Variants in MIGA1 observed in about 807,000 individuals in gnomAD.
MIGA1 encodes the protein family with sequence similarity 73, member A.
A neutral mutation model predicts 82.0 loss-of-function variants in MIGA1; 58 were observed. That is an observed-to-expected ratio of 0.71 (90% CI 0.57 to 0.88). The LOEUF (loss-of-function observed/expected upper bound fraction) is 0.88. Ranked by LOEUF, MIGA1 falls within the 40% of genes least tolerant of loss-of-function variation. The pLI, the probability that MIGA1 is intolerant of heterozygous loss-of-function variation, is 0.00. For synonymous variants in MIGA1, 249 were observed against 253.6 expected (o/e 0.98, Z 0.17); for missense variants, 751 against 749.1 (o/e 1.00, Z -0.03).
chr1:77,784,114 A>G (rs1246488126), intron 2 of MIGA1, among the ~76,000 whole-genome samples: 1 of 152,248 alleles, frequency 6.6e-6, no homozygotes, highest in South Asian at 2.1e-4. Flanking sequence ...TAATGCTGCT[A>G]TAAACATGGA....
intron 13 of MIGA1, 54 bp from the exon 14 acceptor site, chr1:77,866,284 T>C (rs1685663298): frequency 1.8e-5 from 28 of 1,518,060 alleles, no homozygotes; most frequent in Non-Finnish European, 2.1e-5. Context: ...CTAATAAAAA[T>C]GGAAATGTTT....
rs201214368 is a variant in MIGA1, at chr1:77,843,322, T to C, written c.911T>C (p.Ile304Thr). 75 of 1,612,556 alleles carry C rather than the reference T, an allele frequency of 4.7e-5. No homozygotes were observed. Among genetic ancestry groups the C allele is most frequent in the Middle Eastern group, 1.6e-4 (1 of 6,078 alleles). ...TACTTTTAAGATAAAGATACAGATA[T>C]CACCATGAAGGGTAATGTGGAAGAC... The change falls in exon 8 of 16, where the codon ATC (isoleucine) becomes ACC (threonine). Residue 304 changes from isoleucine (I) to threonine (T), a missense_variant. Ile to Thr is a moderately conservative substitution (Grantham distance 89). This residue lies in a region of MIGA1 where 482 missense variants were observed against 439.4 expected (regional missense o/e 1.10). Transcript: ENST00000370791.
chr1:77,822,652 G>C (rs548722859), intron 7 of MIGA1, among the ~76,000 whole-genome samples: 10 of 152,132 alleles, frequency 6.6e-5, no homozygotes, highest in Non-Finnish European at 1.3e-4. Flanking sequence ...GTATTGGAAG[G>C]CTAATGTGTC....
At chr1:77,833,694 C>T (rs1684324109) in intron 7 of MIGA1, among the ~76,000 whole-genome samples, 2 of 152,230 alleles carry the variant, frequency 1.3e-5, no homozygotes, top group South Asian at 2.1e-4. Context: ...CGACTTATTC[C>T]TGTGGCAGGG....
intron 8 of MIGA1, among the ~76,000 whole-genome samples, chr1:77,850,298 A>T (rs997242292): frequency 6.6e-6 from 1 of 152,292 alleles, no homozygotes; most frequent in East Asian, 1.9e-4. Flanking sequence ...TTTCATTTCC[A>T]CAATGTGCTG....
chr1:77,818,558 T>A (rs947372964), intron 7 of MIGA1, among the ~76,000 whole-genome samples: 1 of 152,172 alleles, frequency 6.6e-6, no homozygotes, highest in Non-Finnish European at 1.5e-5. Flanking sequence ...TAGCTACTAT[T>A]AACTAGCTTC....
rs138544962 is a variant in MIGA1, at chr1:77,858,804, G to A, written c.997-134G>A. The stretch of plus-strand genomic sequence containing the variant: ...TGACTAATTTTTTTAGATTTTTGTA[G>A]AGACAGGGTCTTACCATGTTACCCA... On this transcript the variant is annotated intron_variant, in intron 8 of 15. Transcript: ENST00000370791. 1,098 of 558,574 alleles carry A rather than the reference G, an allele frequency of 2.0e-3. 15 individuals are homozygous for A. In the East Asian group the frequency reaches 0.031, roughly 16 times the overall value. The allele number at this position is 558,574 out of a possible 1,614,324, so 34.6% of individuals were successfully genotyped here.
At chr1:77,804,038 T>G (rs1042212934) in intron 4 of MIGA1, among the ~76,000 whole-genome samples, 19 of 152,114 alleles carry the variant, frequency 1.2e-4, no homozygotes, top group Non-Finnish European at 2.4e-4. Context: ...CCATAAATAT[T>G]TACACCTACT....
chr1:77,795,752 C>T (rs565201631), intron 2 of MIGA1, among the ~76,000 whole-genome samples: 3 of 151,460 alleles, frequency 2.0e-5, no homozygotes, highest in Non-Finnish European at 4.4e-5. Flanking sequence ...GCCTCAGCCT[C>T]CTGAGTAGCT....
At chr1:77,847,788 G>C (rs1268832233) in intron 8 of MIGA1, 1 of 1,597,992 alleles carries the variant, frequency 6.3e-7, no homozygotes, top group African/African-American at 1.3e-5. Context: ...GGGCTACTCT[G>C]ATGAAGTAAG....
chr1:77,821,761 TA>T (rs1430486746), intron 7 of MIGA1, among the ~76,000 whole-genome samples: 3 of 152,224 alleles, frequency 2.0e-5, no homozygotes, highest in Non-Finnish European at 4.4e-5. Context: ...TATCATTCTC[TA>T]ATTTGGTTAG....
intron 14 of MIGA1, among the ~76,000 whole-genome samples, chr1:77,868,086 C>T (rs1223512589): frequency 6.6e-6 from 1 of 151,946 alleles, no homozygotes; most frequent in Non-Finnish European, 1.5e-5. Context: ...AATAGGACTG[C>T]GGTAAGGATG....
chr1:77,866,873 T>C (rs953482207), intron 14 of MIGA1, among the ~76,000 whole-genome samples: 2 of 151,810 alleles, frequency 1.3e-5, no homozygotes, highest in African/African-American at 2.4e-5. Flanking sequence ...AGAGATGGGG[T>C]TTCACCATGT....
chr1:77,841,948 ATTT>A (rs1176838372), intron 7 of MIGA1, among the ~76,000 whole-genome samples: 5 of 121,206 alleles, frequency 4.1e-5, no homozygotes, highest in Admixed American at 8.3e-5. Context: ...ACACCTGGCT[ATTT>A]TTTTTTTTTT....
At chr1:77,870,767 A>G (rs1161687524) in intron 14 of MIGA1, among the ~76,000 whole-genome samples, 1 of 150,524 alleles carries the variant, frequency 6.6e-6, no homozygotes, top group Non-Finnish European at 1.5e-5. Flanking sequence ...AGCCGAGATC[A>G]CGCCACTGCA....
chr1:77,783,222 G>A lies in MIGA1; in HGVS notation c.82-16G>A. Reference sequence around the variant, plus strand: ...AATCTTTGTGGCTAATTTTTTTTATGTTTCATTTAATGAAGATTAGAAGAG... The same window carrying A: ...AATCTTTGTGGCTAATTTTTTTTATATTTCATTTAATGAAGATTAGAAGAG... On this transcript the variant is annotated splice_polypyrimidine_tract_variant and intron_variant, in intron 1 of 15. Transcript: ENST00000370791. 1 of 1,507,484 alleles carries A rather than the reference G, an allele frequency of 6.6e-7. No homozygotes were observed. The highest frequency in any genetic ancestry group is 9.1e-7 in the Non-Finnish European group (1 of 1,104,968). 93.4% of individuals were successfully genotyped at this position (1,507,484 alleles called of 1,614,324 possible).
intron 8 of MIGA1, chr1:77,853,791 T>C (rs1685146491): frequency 3.7e-6 from 1 of 272,810 alleles, no homozygotes; most frequent in Admixed American, 3.8e-5. Context: ...GCTGTTGCTG[T>C]TGGATCAGGC....
chr1:77,805,991 A>T (rs1374810077), intron 4 of MIGA1, among the ~76,000 whole-genome samples: 1 of 152,218 alleles, frequency 6.6e-6, no homozygotes, highest in Non-Finnish European at 1.5e-5. Context: ...GCCTAACTGA[A>T]CTAGTCATTC....
At chr1:77,811,475 T>C in intron 5 of MIGA1, 1 of 1,538,072 alleles carries the variant, frequency 6.5e-7, no homozygotes. Context: ...TTATTATATG[T>C]AAGAATATTC....
Sources: gnomAD v4.1 joint callset for allele counts (sites outside exome capture counted in the v4.1 genomes callset) on GRCh38, gnomAD v4.1.1 for gene constraint, gnomAD v4.1.1 regional missense constraint, MANE v1.5 for transcripts, NCBI Gene and HGNC (gene_info 2026-07-23, HGNC 2026-07-21) for gene names.